Variants in LRRC4C observed in about 807,000 individuals in gnomAD.
The protein encoded by LRRC4C is leucine rich repeat containing 4C.
Under a neutral mutation model 33.6 loss-of-function variants are expected in LRRC4C, and 5 were observed. The ratio of observed to expected loss-of-function variants is 0.15; its 90% CI spans 0.08 to 0.31. The LOEUF is 0.31. LRRC4C is among the 10% of genes least tolerant of loss of function. The pLI is 1.00. For missense variants in LRRC4C, 560 were observed against 796.7 expected (o/e 0.70, Z 3.58); for synonymous variants, 329 against 302.0 (o/e 1.09, Z -0.93).
chr11:41,159,076 G>C (rs557976446), intron 1 of LRRC4C, among the ~76,000 whole-genome samples: 1 of 152,016 alleles, frequency 6.6e-6, no homozygotes, highest in South Asian at 2.1e-4. Context: ...CTTGAGGTCA[G>C]GAGTTCAAGA....
At chr11:40,775,870 G>T (rs930684134) in intron 2 of LRRC4C, among the ~76,000 whole-genome samples, 1 of 152,134 alleles carries the variant, frequency 6.6e-6, no homozygotes, top group African/African-American at 2.4e-5. Context: ...TAAGGGGAAT[G>T]TTTTCTGCTT....
At chr11:40,798,949 A>G (rs1322057001) in intron 2 of LRRC4C, among the ~76,000 whole-genome samples, 1 of 152,098 alleles carries the variant, frequency 6.6e-6, no homozygotes, top group Non-Finnish European at 1.5e-5. Context: ...CTGCTGTATT[A>G]TAAGTTTCTT....
chr11:40,905,148 G>A (rs1221216309), intron 2 of LRRC4C, among the ~76,000 whole-genome samples: 1 of 152,082 alleles, frequency 6.6e-6, no homozygotes, highest in East Asian at 1.9e-4. Context: ...TAGGCGGGGA[G>A]GATTTGAATG....
intron 5 of LRRC4C, among the ~76,000 whole-genome samples, chr11:40,200,518 A>G (rs1471434022): frequency 1.3e-5 from 2 of 152,138 alleles, no homozygotes; most frequent in Non-Finnish European, 2.9e-5. Flanking sequence ...CACAAAGGCC[A>G]GCTTTCATCA....
intron 3 of LRRC4C, among the ~76,000 whole-genome samples, chr11:40,476,595 C>T (rs1398777647): frequency 6.6e-6 from 1 of 152,128 alleles, no homozygotes; most frequent in Non-Finnish European, 1.5e-5. Flanking sequence ...CCACCCGCCT[C>T]AGCCTCCCAA....
intron 1 of LRRC4C, among the ~76,000 whole-genome samples, chr11:41,211,958 G>T (rs1055361390): frequency 6.6e-5 from 10 of 152,202 alleles, no homozygotes; most frequent in African/African-American, 2.4e-4. Context: ...CAGTGTAAAA[G>T]TGTTCCTATT....
chr11:40,724,839 A>G (rs1057153772), intron 2 of LRRC4C, among the ~76,000 whole-genome samples: 2 of 152,160 alleles, frequency 1.3e-5, no homozygotes, highest in Admixed American at 6.5e-5. Flanking sequence ...AGGTTGATAG[A>G]CTGTTAGTTA....
intron 1 of LRRC4C, among the ~76,000 whole-genome samples, chr11:41,169,383 G>T (rs1944869342): frequency 6.6e-6 from 1 of 152,088 alleles, no homozygotes; most frequent in Non-Finnish European, 1.5e-5. Flanking sequence ...CCAATCCACA[G>T]GAGCCCACTG....
chr11:40,181,431 A>C (rs1040149946), intron 5 of LRRC4C, among the ~76,000 whole-genome samples: 1 of 152,284 alleles, frequency 6.6e-6, no homozygotes, highest in South Asian at 2.1e-4. Context: ...TAATTCTGTG[A>C]TTTAGCCTTT....
intron 5 of LRRC4C, among the ~76,000 whole-genome samples, chr11:40,191,531 A>G (rs1861840365): frequency 6.6e-6 from 1 of 152,202 alleles, no homozygotes; most frequent in Non-Finnish European, 1.5e-5. Context: ...TTCCCAGGTG[A>G]CTTGGATGCA....
chr11:40,278,892 C>T (rs543976393), intron 4 of LRRC4C, among the ~76,000 whole-genome samples: 1 of 152,106 alleles, frequency 6.6e-6, no homozygotes, highest in African/African-American at 2.4e-5. Context: ...TACCTTAAAG[C>T]CAATGATAGT....
At chr11:41,262,023 T>C (rs992851119) in intron 1 of LRRC4C, among the ~76,000 whole-genome samples, 2 of 151,800 alleles carry the variant, frequency 1.3e-5, no homozygotes, top group Non-Finnish European at 2.9e-5. Context: ...AAAAATAAAA[T>C]CCTGGAATAG....
chr11:40,984,363 AAAAGAAAGAAAGAAAGAAAGAAAGAAAG>A (rs61226519), intron 1 of LRRC4C, among the ~76,000 whole-genome samples: 112 of 120,402 alleles, frequency 9.3e-4, no homozygotes, highest in South Asian at 4.2e-3. Context: ...AAAGAAAGAA[AAAAGAAAGAAAGAAAGAAAGAAAGAAAG>A]AAAGAAAGAA....
intron 1 of LRRC4C, among the ~76,000 whole-genome samples, chr11:41,394,061 G>A (rs926223278): frequency 2.0e-5 from 3 of 151,906 alleles, no homozygotes; most frequent in Non-Finnish European, 4.4e-5. Context: ...TAAAAGCATA[G>A]ACTCTGGAGT....
chr11:40,772,132 A>G (rs1055150211), intron 2 of LRRC4C, among the ~76,000 whole-genome samples: 1 of 152,188 alleles, frequency 6.6e-6, no homozygotes, highest in Non-Finnish European at 1.5e-5. Flanking sequence ...GAAGAGGCTT[A>G]ATTAACTCAC....
At chr11:41,178,422 T>C (rs1565454669) in intron 1 of LRRC4C, among the ~76,000 whole-genome samples, 1 of 152,154 alleles carries the variant, frequency 6.6e-6, no homozygotes, top group Non-Finnish European at 1.5e-5. Context: ...CATGTAATCA[T>C]AGCTCAATGC....
intron 5 of LRRC4C, among the ~76,000 whole-genome samples, chr11:40,238,876 C>T (rs1156474494): frequency 1.3e-5 from 2 of 152,054 alleles, no homozygotes. Flanking sequence ...GAGAACTAGG[C>T]CCAGTAGAAA....
chr11:40,745,999 C>A (rs2136943561), intron 2 of LRRC4C, among the ~76,000 whole-genome samples: 1 of 152,216 alleles, frequency 6.6e-6, no homozygotes, highest in African/African-American at 2.4e-5. Context: ...AATCACACTT[C>A]AAATAGATCA....
chr11:40,883,975 T>C (rs1955310221), intron 2 of LRRC4C, among the ~76,000 whole-genome samples: 1 of 151,792 alleles, frequency 6.6e-6, no homozygotes, highest in South Asian at 2.1e-4. Flanking sequence ...ATACATATGC[T>C]ATGGTGGTTT....
Sources: allele counts gnomAD v4.1 joint callset (sites outside exome capture counted in the v4.1 genomes callset), GRCh38; gene constraint gnomAD v4.1.1; transcripts MANE v1.5; gene names NCBI Gene and HGNC (gene_info 2026-07-23, HGNC 2026-07-21).